KDM4C: variants seen among roughly 807,000 people sequenced by gnomAD.
KDM4C encodes lysine demethylase 4C.
In KDM4C, 81 loss-of-function variants were observed where a neutral mutation model predicts 129.3. The observed-to-expected ratio is 0.63, with a 90% CI of 0.52 to 0.75. The LOEUF is 0.75. KDM4C is among the 30% of genes least tolerant of loss of function. The probability of loss-of-function intolerance (pLI) is 0.00; values close to 1 mark genes in which losing one functional copy is unlikely to be tolerated. For missense variants in KDM4C, 1,457 were observed against 1,304.0 expected (o/e 1.12, Z -1.81); for synonymous variants, 573 against 456.1 (o/e 1.26, Z -3.26).
intron 17 of KDM4C, among the ~76,000 whole-genome samples, chr9:7,078,667 A>G (rs1420029012): frequency 6.6e-6 from 1 of 152,234 alleles, no homozygotes; most frequent in East Asian, 1.9e-4. Context: ...TAGCTTGAGT[A>G]TAAATTACCT....
chr9:6,842,698 A>C (rs1837184740), intron 4 of KDM4C, among the ~76,000 whole-genome samples: 1 of 152,124 alleles, frequency 6.6e-6, no homozygotes. Flanking sequence ...GGCTTAAAAA[A>C]AATCAGAAAA....
rs115982384 is a variant in KDM4C, at chr9:7,001,392, C to A, written c.1787-10306C>A. On this transcript the variant is annotated intron_variant, in intron 12 of 21. Transcript: ENST00000381309. ...TCTTGAGGAGTAAACTTGATAATGC[C>A]TTCAAGTGAGTGAACCATGGATCTG... Among the ~76,000 whole-genome samples the A allele has an allele frequency of 9.0e-3, 1,369 of 152,284 alleles. 23 individuals are homozygous for A. The highest frequency in any genetic ancestry group is 0.032 in the African/African-American group (1,313 of 41,542).
chr9:6,763,943 G>GAC (rs1452312241), intron 1 of KDM4C, among the ~76,000 whole-genome samples: 2 of 152,156 alleles, frequency 1.3e-5, no homozygotes, highest in African/African-American at 4.8e-5. Flanking sequence ...TTTTAGTAGA[G>GAC]ACGGAGGGTT....
At chr9:6,740,390 A>C (rs1480678813) in intron 1 of KDM4C, among the ~76,000 whole-genome samples, 1 of 151,738 alleles carries the variant, frequency 6.6e-6, no homozygotes, top group African/African-American at 2.4e-5. Context: ...TTTTTAGTAG[A>C]GATGGGGTTT....
chr9:7,027,949 G>C (rs1326156403), intron 15 of KDM4C, among the ~76,000 whole-genome samples: 2 of 152,182 alleles, frequency 1.3e-5, no homozygotes, highest in African/African-American at 4.8e-5. Flanking sequence ...AAGTCAGTTT[G>C]TGGTGAATAG....
intron 4 of KDM4C, among the ~76,000 whole-genome samples, chr9:6,848,552 C>T (rs989661294): frequency 1.3e-5 from 2 of 152,012 alleles, no homozygotes; most frequent in African/African-American, 4.8e-5. Context: ...GCCTGTAGGT[C>T]CAGCTGTGTG....
intron 17 of KDM4C, among the ~76,000 whole-genome samples, chr9:7,073,563 A>G (rs1028785385): frequency 6.6e-6 from 1 of 152,102 alleles, no homozygotes; most frequent in African/African-American, 2.4e-5. Context: ...TGTTTCCAGT[A>G]TTTTCCAAGA....
chr9:6,798,887 G>A (rs1191885790), intron 2 of KDM4C, among the ~76,000 whole-genome samples: 4 of 151,634 alleles, frequency 2.6e-5, no homozygotes, highest in African/African-American at 9.7e-5. Context: ...TTCTCAGACG[G>A]GGCGGCCGGG....
intron 15 of KDM4C, among the ~76,000 whole-genome samples, chr9:7,019,391 A>C (rs1824249535): frequency 6.6e-6 from 1 of 152,118 alleles, no homozygotes; most frequent in African/African-American, 2.4e-5. Context: ...AGCTGAAGTC[A>C]GATGATATTT....
At chr9:6,879,840 C>A (rs972080254) in intron 5 of KDM4C, among the ~76,000 whole-genome samples, 172 bp from the exon 6 acceptor site, 1 of 151,972 alleles carries the variant, frequency 6.6e-6, no homozygotes, top group East Asian at 1.9e-4. Flanking sequence ...TTTTTCTGTT[C>A]ATTGTCTAAG....
intron 19 of KDM4C, among the ~76,000 whole-genome samples, chr9:7,159,818 C>T (rs1354978638): frequency 6.6e-6 from 1 of 152,112 alleles, no homozygotes; most frequent in Non-Finnish European, 1.5e-5. Context: ...CTTGGGGTTG[C>T]TCTTCTCAAG....
intron 8 of KDM4C, among the ~76,000 whole-genome samples, chr9:6,967,508 A>G (rs1390830035): frequency 6.6e-6 from 1 of 152,116 alleles, no homozygotes; most frequent in Admixed American, 6.6e-5. Flanking sequence ...TTGCACATGA[A>G]TGTACAGTTG....
At chr9:7,086,289 G>A (rs992369591) in intron 17 of KDM4C, among the ~76,000 whole-genome samples, 2 of 152,142 alleles carry the variant, frequency 1.3e-5, no homozygotes, top group African/African-American at 4.8e-5. Flanking sequence ...ATGAATTTCT[G>A]AGTTAGGCCA....
At chr9:6,914,530 C>T (rs1819951820) in intron 8 of KDM4C, among the ~76,000 whole-genome samples, 1 of 152,146 alleles carries the variant, frequency 6.6e-6, no homozygotes, top group Admixed American at 6.5e-5. Context: ...TCATGAGTGC[C>T]TTTTGACATT....
At chr9:6,924,180 A>G (rs891093439) in intron 8 of KDM4C, among the ~76,000 whole-genome samples, 1 of 152,170 alleles carries the variant, frequency 6.6e-6, no homozygotes, top group Non-Finnish European at 1.5e-5. Context: ...AACATACTGG[A>G]GAGAGAAAGT....
At chr9:7,147,414 A>T (rs1388267313) in intron 19 of KDM4C, among the ~76,000 whole-genome samples, 1 of 152,024 alleles carries the variant, frequency 6.6e-6, no homozygotes, top group East Asian at 1.9e-4. Context: ...TTCTTTTTTT[A>T]GCTTTTGGAA....
intron 8 of KDM4C, among the ~76,000 whole-genome samples, chr9:6,940,338 G>C (rs1825720788): frequency 6.6e-6 from 1 of 152,106 alleles, no homozygotes; most frequent in African/African-American, 2.4e-5. Flanking sequence ...ACTGTGCCTA[G>C]CTGAGACAAT....
At chr9:6,755,504 C>T (rs563950929), upstream of KDM4C, among the ~76,000 whole-genome samples, 338 of 152,118 alleles carry the variant, frequency 2.2e-3, 1 homozygote, top group Non-Finnish European at 3.6e-3. Context: ...GCCGATATGG[C>T]GCCACTGCAC....
intron 1 of KDM4C, among the ~76,000 whole-genome samples, chr9:6,773,172 T>A (rs77915634): frequency 0.097 from 14,690 of 151,938 alleles, 825 homozygotes; most frequent in Non-Finnish European, 0.11. Context: ...GCTAATTTTT[T>A]AATTTTATTT....
Sources: gnomAD v4.1 joint callset for allele counts (sites outside exome capture counted in the v4.1 genomes callset) on GRCh38, gnomAD v4.1.1 for gene constraint, MANE v1.5 for transcripts, NCBI Gene and HGNC (gene_info 2026-07-23, HGNC 2026-07-21) for gene names.